Variants in CERS6 observed in about 807,000 individuals in gnomAD.
CERS6 encodes the protein LAG1 homolog, ceramide synthase 6.
Under a neutral mutation model 56.8 loss-of-function variants are expected in CERS6, and 26 were observed. That is an observed-to-expected ratio of 0.46 (90% CI 0.34 to 0.63). The LOEUF (loss-of-function observed/expected upper bound fraction) is 0.63. Ranked by LOEUF, CERS6 falls within the 30% of genes least tolerant of loss-of-function variation. CERS6 has a pLI of 0.01. For missense variants in CERS6, 415 were observed against 467.5 expected (o/e 0.89, Z 1.04); for synonymous variants, 164 against 173.3 (o/e 0.95, Z 0.42).
At chr2:168,680,143 G>A (rs1320531201) in intron 4 of CERS6, among the ~76,000 whole-genome samples, 1 of 152,228 alleles carries the variant, frequency 6.6e-6, no homozygotes, top group East Asian at 1.9e-4. Flanking sequence ...GCAAGAGGCA[G>A]AAAGACAGAG....
intron 8 of CERS6, among the ~76,000 whole-genome samples, chr2:168,739,039 C>T (rs1351796733): frequency 1.3e-5 from 2 of 149,186 alleles, no homozygotes; most frequent in African/African-American, 5.0e-5. Flanking sequence ...GCACATGCTG[C>T]CACACCCGGC....
intron 6 of CERS6, among the ~76,000 whole-genome samples, chr2:168,699,568 G>A (rs114645723): frequency 0.016 from 2,504 of 152,082 alleles, 70 homozygotes; most frequent in African/African-American, 0.058. Flanking sequence ...AAATGGTTTT[G>A]TATTCATAAA....
At chr2:168,730,977 G>A (rs1226941208) in intron 8 of CERS6, among the ~76,000 whole-genome samples, 3 of 152,246 alleles carry the variant, frequency 2.0e-5, no homozygotes, top group South Asian at 2.1e-4. Context: ...TCAAAGAAAT[G>A]ATTCTGCATA....
At position 168,620,011 on chromosome 2, in the gene CERS6, C is replaced by CCACACACACA. The variant is rs1491366442; in HGVS notation, c.408-10972_408-10971insCACACACACA. Reference sequence around the variant, plus strand: ...TGGGCATTTGGGCTGGTTCCACAATCCATACACACACACACACACACACAC... The same window carrying CCACACACACA: ...TGGGCATTTGGGCTGGTTCCACAATCCACACACACACATACACACACACACACACACACAC... On this transcript the variant is annotated intron_variant, in intron 3 of 9. Coordinates refer to ENST00000305747, the MANE Select transcript of CERS6 (RefSeq NM_203463.3). 1.9e-3 allele frequency among the ~76,000 whole-genome samples: 70 copies of CCACACACACA among 37,254 alleles called. 5 individuals carry two copies. Among genetic ancestry groups the CCACACACACA allele is most frequent in the East Asian group, 8.2e-3 (6 of 736 alleles). 24.4% of individuals were successfully genotyped at this position (37,254 alleles called of 152,430 possible). A position where few individuals can be genotyped will look rare whatever the true frequency, so the allele number is the denominator to read the frequency against.
intron 4 of CERS6, among the ~76,000 whole-genome samples, chr2:168,646,196 G>A (rs566272374): frequency 1.5e-4 from 23 of 152,294 alleles, no homozygotes; most frequent in East Asian, 9.6e-4. Flanking sequence ...AACTTTGCCA[G>A]CATCTGTTAC....
chr2:168,547,474 C>A, intron 1 of CERS6, 122 bp from the exon 2 acceptor site: 3 of 607,314 alleles, frequency 4.9e-6, no homozygotes, highest in Non-Finnish European at 8.8e-6. Flanking sequence ...TGACAATGTA[C>A]ACCCATGAAA....
At chr2:168,717,765 TTTATGCATCTGGTAAGG>T in intron 7 of CERS6, 90 bp from the exon 8 acceptor site, 1 of 690,070 alleles carries the variant, frequency 1.4e-6, no homozygotes, top group Non-Finnish European at 2.4e-6. Flanking sequence ...TGCAGGCAAT[TTTATGCATCTGGTAAGG>T]TATATCTTAT....
chr2:168,714,732 G>T (rs1468614183), intron 6 of CERS6, among the ~76,000 whole-genome samples: 1 of 152,162 alleles, frequency 6.6e-6, no homozygotes, highest in Non-Finnish European at 1.5e-5. Context: ...GACACAGCTA[G>T]AAGTCACCAT....
intron 3 of CERS6, among the ~76,000 whole-genome samples, chr2:168,570,869 A>G (rs1182184714): frequency 6.6e-6 from 1 of 152,194 alleles, no homozygotes; most frequent in African/African-American, 2.4e-5. Flanking sequence ...TGCATCTCTC[A>G]GTGCTTGGTT....
At chr2:168,641,414 A>G (rs1685042309) in intron 4 of CERS6, among the ~76,000 whole-genome samples, 1 of 152,236 alleles carries the variant, frequency 6.6e-6, no homozygotes, top group African/African-American at 2.4e-5. Flanking sequence ...CAAATGAAGC[A>G]TAAAACTGTC....
intron 2 of CERS6, among the ~76,000 whole-genome samples, chr2:168,556,686 C>T (rs1335780970): frequency 6.6e-6 from 1 of 151,986 alleles, no homozygotes. Context: ...AAAAAGAATA[C>T]TAAAAATTTA....
chr2:168,688,246 C>G (rs1686405734), intron 4 of CERS6, among the ~76,000 whole-genome samples: 1 of 151,874 alleles, frequency 6.6e-6, no homozygotes, highest in Non-Finnish European at 1.5e-5. Context: ...ACATTACTGT[C>G]CTATAATTTG....
chr2:168,522,295 G>A (rs1216149044), intron 1 of CERS6, among the ~76,000 whole-genome samples: 3 of 152,146 alleles, frequency 2.0e-5, no homozygotes, highest in African/African-American at 7.2e-5. Context: ...TTTTTATGTG[G>A]TTTCTGATAT....
intron 8 of CERS6, among the ~76,000 whole-genome samples, chr2:168,724,443 T>A (rs1011020302): frequency 6.6e-6 from 1 of 152,148 alleles, no homozygotes; most frequent in Non-Finnish European, 1.5e-5. Flanking sequence ...GGCAGCCTGC[T>A]TTTATTCTCT....
At chr2:168,588,746 G>A (rs2105401514) in intron 3 of CERS6, among the ~76,000 whole-genome samples, 1 of 152,224 alleles carries the variant, frequency 6.6e-6, no homozygotes, top group East Asian at 1.9e-4. Flanking sequence ...CCTGCTTTCA[G>A]TTCTTTTGTT....
chr2:168,738,488 G>A (rs564920276), intron 8 of CERS6, among the ~76,000 whole-genome samples: 79 of 152,258 alleles, frequency 5.2e-4, no homozygotes, highest in Non-Finnish European at 8.7e-4. Flanking sequence ...CAGTGCTTAC[G>A]ACTATGGAAG....
At chr2:168,496,360 A>C (rs1301848968) in intron 1 of CERS6, among the ~76,000 whole-genome samples, 1 of 152,032 alleles carries the variant, frequency 6.6e-6, no homozygotes, top group Non-Finnish European at 1.5e-5. Flanking sequence ...TGTAGAAAAA[A>C]ATGGTAACAT....
intron 1 of CERS6, among the ~76,000 whole-genome samples, chr2:168,542,433 A>G (rs1695389229): frequency 1.3e-5 from 2 of 152,186 alleles, no homozygotes; most frequent in South Asian, 2.1e-4. Flanking sequence ...TCATTTATAT[A>G]TGTGTGAGAT....
At chr2:168,637,292 A>G (rs113076608) in intron 4 of CERS6, among the ~76,000 whole-genome samples, 2,986 of 152,224 alleles carry the variant, frequency 0.02, 50 homozygotes, top group Non-Finnish European at 0.03. Flanking sequence ...CCTGGCCAAC[A>G]TGGTGAAACC....
Sources: allele counts gnomAD v4.1 joint callset (sites outside exome capture counted in the v4.1 genomes callset), GRCh38; gene constraint gnomAD v4.1.1; transcripts MANE v1.5; gene names NCBI Gene and HGNC (gene_info 2026-07-23, HGNC 2026-07-21).